The following CCDC138 variants were observed in gnomAD, a reference collection of about 807,000 sequenced individuals.
CCDC138 encodes coiled-coil domain-containing protein 138.
Under a neutral mutation model 82.3 loss-of-function variants are expected in CCDC138, and 66 were observed. That is an observed-to-expected ratio of 0.80 (90% CI 0.66 to 0.98). The LOEUF is 0.98. Ranked by LOEUF, CCDC138 falls within the 50% of genes least tolerant of loss-of-function variation. The pLI, the probability that CCDC138 is intolerant of heterozygous loss-of-function variation, is 0.00. For synonymous variants in CCDC138, 297 were observed against 265.4 expected, an observed-to-expected ratio of 1.12 and a Z score of -1.16; for missense variants, 816 against 758.9, an observed-to-expected ratio of 1.08 and a Z score of -0.88.
At position 108,846,847 on chromosome 2, in the gene CCDC138, C is replaced by G; in HGVS notation, c.1433C>G (p.Pro478Arg). 2 of 1,613,344 alleles carry G rather than the reference C, an allele frequency of 1.2e-6. No individual in the cohort carries two copies. The highest frequency in any genetic ancestry group is 1.7e-6 in the Non-Finnish European group (2 of 1,179,580). ...CCACAGCATTCTGTGGAGAATAAAC[C>G]AAAGACAGCTGCTTTCTTTAAGAGC... is the stretch of plus-strand genomic sequence containing the variant. The part of the protein sequence containing the change: ...NSPQHSVENK[P>R]KTAAFFKSSN... Residue 478 changes from proline (P) to arginine (R), a missense_variant, in exon 12 of 15, where the codon CCA becomes CGA. By Grantham distance (103) the Pro-to-Arg change is moderately radical. Transcript: ENST00000295124.
chr2:108,820,699 C>CAAAAAAAAAAAAAAAAA (rs764017401), intron 10 of CCDC138, among the ~76,000 whole-genome samples: 4 of 62,582 alleles, frequency 6.4e-5, no homozygotes, highest in African/African-American at 1.1e-4. Flanking sequence ...ATTCAAAGTG[C>CAAAAAAAAAAAAAAAAA]AAAAAAAAAA....
intron 7 of CCDC138, among the ~76,000 whole-genome samples, chr2:108,811,247 C>CTTTTTTTTTTTT (rs55661786): frequency 1.5e-4 from 17 of 113,906 alleles, no homozygotes; most frequent in African/African-American, 6.5e-4. Flanking sequence ...TTCTCTCTCT[C>CTTTTTTTTTTTT]TTTTTTTTTT....
intron 7 of CCDC138, among the ~76,000 whole-genome samples, 191 bp from the exon 8 acceptor site, chr2:108,812,440 A>G (rs1217485425): frequency 6.6e-6 from 1 of 152,224 alleles, no homozygotes. Flanking sequence ...GAAGTAAATG[A>G]TCTTACAAAC....
intron 13 of CCDC138, among the ~76,000 whole-genome samples, chr2:108,865,341 T>C (rs1157926932): frequency 6.6e-6 from 1 of 152,194 alleles, no homozygotes; most frequent in Non-Finnish European, 1.5e-5. Context: ...TGGGAGCTTA[T>C]TTGGTAGTAG....
At chr2:108,884,625 G>A (rs1696378580) in intron 2 of CCDC138, 1 of 152,204 alleles carries the variant, frequency 6.6e-6, no homozygotes, top group Non-Finnish European at 1.5e-5. Flanking sequence ...ATAAACATCA[G>A]AAAGTCAAGG....
chr2:108,834,991 A>G (rs1429827342), intron 10 of CCDC138, among the ~76,000 whole-genome samples: 2 of 152,232 alleles, frequency 1.3e-5, no homozygotes, highest in African/African-American at 4.8e-5. Flanking sequence ...ATTGAAGTCA[A>G]ATGGATCTTG....
chr2:108,821,100 G>A lies in CCDC138; in HGVS notation c.1206+4995G>A, dbSNP rs181244013. ...TGGCCGGGTGCGGTGGCTCACGCCT[G>A]TAATCCTAGCACTTTAGGAGGCTAA... On this transcript the variant is annotated intron_variant, in intron 10 of 14. Coordinates refer to ENST00000295124, the MANE Select transcript of CCDC138 (RefSeq NM_144978.3). 3.4e-3 allele frequency among the ~76,000 whole-genome samples: 519 copies of A among 152,286 alleles called. 1 individual carries two copies. Among genetic ancestry groups the A allele is most frequent in the Admixed American group, 6.4e-3 (98 of 15,292 alleles).
At chr2:108,872,195 A>G (rs1460858192) in intron 13 of CCDC138, among the ~76,000 whole-genome samples, 1 of 152,180 alleles carries the variant, frequency 6.6e-6, no homozygotes, top group Non-Finnish European at 1.5e-5. Flanking sequence ...AATTCAGAGA[A>G]GAGTCTGATC....
intron 10 of CCDC138, among the ~76,000 whole-genome samples, chr2:108,825,787 A>G (rs7559587): frequency 0.8 from 121,237 of 152,128 alleles, 48,639 homozygotes; most frequent in East Asian, 0.95. Flanking sequence ...GTATGCACAT[A>G]TTTTTTCATT....
downstream of CCDC138, among the ~76,000 whole-genome samples, chr2:108,879,536 T>C (rs193191325): frequency 1.2e-3 from 176 of 152,170 alleles, 1 homozygote; most frequent in African/African-American, 4.1e-3. Flanking sequence ...GACAGAAACA[T>C]TAATCCATGA....
At chr2:108,811,381 A>T (rs1683850167) in intron 7 of CCDC138, among the ~76,000 whole-genome samples, 1 of 150,732 alleles carries the variant, frequency 6.6e-6, no homozygotes. Context: ...AGTAGCTGGG[A>T]CTGCAGGCAT....
At chr2:108,845,889 A>T (rs890900422) in intron 11 of CCDC138, among the ~76,000 whole-genome samples, 7 of 152,144 alleles carry the variant, frequency 4.6e-5, no homozygotes, top group African/African-American at 1.7e-4. Context: ...TTCTTAATAG[A>T]TATATCAAAT....
At chr2:108,873,414 C>T (rs1695569084) in intron 13 of CCDC138, 37 bp from the exon 14 acceptor site, 2 of 1,442,134 alleles carry the variant, frequency 1.4e-6, no homozygotes, top group Non-Finnish European at 1.8e-6. Context: ...TTTTTCGCTA[C>T]TCCCTAATAG....
rs1373191331 is a variant in CCDC138, at chr2:108,788,918, A to T, written c.218A>T (p.His73Leu). The T allele has an allele frequency of 3.7e-6, 6 of 1,614,048 alleles. No homozygotes were observed. The African/African-American group carries it at 6.7e-5, about 18-fold the overall frequency. The change falls in exon 3 of 15, where the codon CAT becomes CTT. Residue 73 changes from histidine (H) to leucine (L), a missense_variant. Coordinates refer to ENST00000295124, the MANE Select transcript of CCDC138 (RefSeq NM_144978.3). ...SSLKYSDESKHCRTPLGSLFK... is the reference protein window; with the variant it reads ...SSLKYSDESKLCRTPLGSLFK... ...TTAAAATATTCTGATGAAAGCAAGC[A>T]TTGTAGAACACCATTGGGCAGCTTA...
intron 7 of CCDC138, among the ~76,000 whole-genome samples, chr2:108,812,116 TA>T (rs1683961093): frequency 6.6e-6 from 1 of 152,038 alleles, no homozygotes; most frequent in South Asian, 2.1e-4. Flanking sequence ...AAAACATTAT[TA>T]AAAGAAAATA....
chr2:108,868,244 A>G (rs1281746204), intron 13 of CCDC138, among the ~76,000 whole-genome samples: 1 of 152,208 alleles, frequency 6.6e-6, no homozygotes, highest in African/African-American at 2.4e-5. Context: ...TTTTTGTCAG[A>G]TATCATATTA....
rs562972643 is a variant in CCDC138 at position 108,853,734 on chromosome 2, C to CA, written c.1517-3058dup. Among the ~76,000 whole-genome samples the CA allele has an allele frequency of 2.5e-3, 373 of 147,498 alleles. 2 individuals carry two copies. The highest frequency in any genetic ancestry group is 9.1e-3 in the African/African-American group (366 of 40,020). On this transcript the variant is annotated intron_variant, in intron 12 of 14. Transcript: ENST00000295124. ...AGAGATGAGCTCTTGCCATGTTGCC[C>CA]AAGCTGGTCTCAAACTCCTGGGCTG...
At chr2:108,810,340 T>C (rs1450484161) in intron 7 of CCDC138, among the ~76,000 whole-genome samples, 2 of 152,158 alleles carry the variant, frequency 1.3e-5, no homozygotes, top group Admixed American at 1.3e-4. Context: ...TTTTTGAGAG[T>C]TTTTACTGTG....
intron 10 of CCDC138, 58 bp from the exon 11 acceptor site, chr2:108,839,127 T>G (rs547039847): frequency 6.7e-7 from 1 of 1,499,516 alleles, no homozygotes; most frequent in Non-Finnish European, 8.9e-7. Context: ...TGGTAATTGA[T>G]TTAAGACATT....
Sources: allele counts gnomAD v4.1 joint callset (sites outside exome capture counted in the v4.1 genomes callset), GRCh38; gene constraint gnomAD v4.1.1; transcripts MANE v1.5; gene names NCBI Gene and HGNC (gene_info 2026-07-23, HGNC 2026-07-21).